Variants in LYRM9 observed in about 807,000 individuals in gnomAD.
LYRM9 encodes LYR motif-containing protein 9.
A neutral mutation model predicts 12.6 loss-of-function variants in LYRM9; 14 were observed. The ratio of observed to expected loss-of-function variants is 1.11; its 90% CI spans 0.73 to 1.73. The LOEUF is 1.73. Ranked by LOEUF, LYRM9 falls within the 40% of genes most tolerant of loss-of-function variation. The pLI, the probability that LYRM9 is intolerant of heterozygous loss-of-function variation, is 0.00. For missense variants in LYRM9, 94 were observed against 95.0 expected (o/e 0.99, Z 0.04); for synonymous variants, 42 against 35.1 (o/e 1.20, Z -0.69).
Position 27,886,683 on chromosome 17 carries a change from C to T in LYRM9, c.-18-3971G>A, listed in dbSNP as rs1329855333. ...TTTTTTTTTGAGACAGAGTTTCGCT[C>T]TTGTTGCCCAGGCTGGAGTGCAATG... is the stretch of plus-strand genomic sequence containing the variant. On this transcript the variant is annotated intron_variant, in intron 1 of 3. Coordinates refer to ENST00000379102, the MANE Select transcript of LYRM9 (RefSeq NM_001076680.3). This position sits in a 1 kb window ranked among gnomAD's most constrained non-coding sequence, Gnocchi z 4.8. 2.0e-5 allele frequency among the ~76,000 whole-genome samples: 3 copies of T among 146,508 alleles called. No homozygotes were observed. Among genetic ancestry groups the T allele is most frequent in the Non-Finnish European group, 4.5e-5 (3 of 67,182 alleles).
chr17:27,882,677 T>C lies in LYRM9; in HGVS notation c.18A>G (p.Gly6=). Reference sequence around the variant, plus strand: ...GCAGTGGCCTCCGAACCAGTTCTGCTCCTGGCAGCGGGGCCATCCGTGAGA... The same window carrying C: ...GCAGTGGCCTCCGAACCAGTTCTGCCCCTGGCAGCGGGGCCATCCGTGAGA... The part of the protein sequence containing the change: MAPLP[G]AELVRRPLQL... Residue 6 remains glycine, a synonymous_variant, in exon 2 of 4, where the codon GGA becomes GGG. Coordinates refer to ENST00000379102, the MANE Select transcript of LYRM9 (RefSeq NM_001076680.3). 6.2e-7 allele frequency: 1 copy of C among 1,604,528 alleles called. No homozygotes were observed.
chr17:27,879,870 G>C (rs4796206), intron 3 of LYRM9: 373,952 of 571,726 alleles, frequency 0.65, 123,758 homozygotes, highest in Admixed American at 0.7. Context: ...CATACTGAAT[G>C]TTTCCTCCAT....
rs1262181366 is a variant in LYRM9, at chr17:27,879,436, A to G, written c.*37T>C. The G allele has an allele frequency of 2.6e-6, 4 of 1,546,798 alleles. No homozygotes were observed. The highest frequency in any genetic ancestry group is 2.6e-6 in the Non-Finnish European group (3 of 1,145,028). On this transcript the variant is annotated 3_prime_UTR_variant, in exon 4 of 4. Coordinates refer to ENST00000379102, the MANE Select transcript of LYRM9 (RefSeq NM_001076680.3). ...CTGAGCTCCAGAAGAGGGGCCTCTC[A>G]ACTTCCAGAGGCCAGGAAGGCTCAC... is the stretch of plus-strand genomic sequence containing the variant.
rs1042571440 is a variant in LYRM9 at position 27,879,089 on chromosome 17, G to A, written c.*384C>T. ...AGATCTGTCTGGTTCTAAAACCCAC[G>A]TGCTTTCTTCTGTACAGGTTGCTAC... On this transcript the variant is annotated 3_prime_UTR_variant, in exon 4 of 4. Coordinates refer to ENST00000379102, the MANE Select transcript of LYRM9 (RefSeq NM_001076680.3). The A allele has an allele frequency of 1.8e-5, 3 of 169,358 alleles. No homozygotes were observed. The highest frequency in any genetic ancestry group is 3.8e-5 in the Non-Finnish European group (3 of 79,260). The allele number at this position is 169,358 out of a possible 1,614,324, so 10.5% of individuals were successfully genotyped here. A position where few individuals can be genotyped will look rare whatever the true frequency, so the allele number is the denominator to read the frequency against.
intron 1 of LYRM9, 142 bp from the exon 2 acceptor site, chr17:27,882,854 G>T: frequency 1.1e-6 from 1 of 897,502 alleles, no homozygotes. Context: ...CCTGCACCTT[G>T]GGGTGGGGTG....
intron 1 of LYRM9, chr17:27,892,693 T>A: frequency 3.3e-6 from 1 of 302,882 alleles, no homozygotes; most frequent in Admixed American, 4.6e-5. Context: ...GTGTTTCTTT[T>A]GGGGGGTAAT....
rs4063521 is a variant in LYRM9, at chr17:27,893,329, G to T, written c.-31C>A. The T allele has an allele frequency of 0.63, 95,339 of 152,052 alleles. 30,411 individuals carry two copies. The highest frequency in any genetic ancestry group is 0.69 in the Admixed American group (10,524 of 15,234). The allele number at this position is 152,052 out of a possible 1,614,324, so 9.4% of individuals were successfully genotyped here. A position where few individuals can be genotyped will look rare whatever the true frequency, so the allele number is the denominator to read the frequency against. The stretch of plus-strand genomic sequence containing the variant: ...CAGCGCGGCTCACCAGCCTCCAGGG[G>T]AACGCCAGCCCCGGACGCCGCCGCG... On this transcript the variant is annotated 5_prime_UTR_variant, in exon 1 of 4. Transcript: ENST00000379102.
intron 2 of LYRM9, chr17:27,880,717 G>A (rs535103903): frequency 7.4e-5 from 22 of 297,768 alleles, no homozygotes; most frequent in Admixed American, 7.0e-4. Context: ...CTCAGAAGAC[G>A]CTGCTTTCCC....
chr17:27,882,820 C>A, intron 1 of LYRM9, 108 bp from the exon 2 acceptor site: 1 of 1,200,692 alleles, frequency 8.3e-7, no homozygotes, highest in Non-Finnish European at 1.2e-6. Context: ...AGTGCAGAGG[C>A]CCCTCCTGTC....
Position 27,879,280 on chromosome 17 carries a change from G to A in LYRM9, c.*193C>T, listed in dbSNP as rs1272872135. On this transcript the variant is annotated 3_prime_UTR_variant, in exon 4 of 4. Transcript: ENST00000379102. ...CCAAATTTCACATCGTAAGTGGCTG[G>A]AAGTGCAAACATAAAGGATGCTAGC... The A allele has an allele frequency of 2.1e-6, 1 of 465,844 alleles. No homozygotes were observed. The highest frequency in any genetic ancestry group is 3.5e-5 in the East Asian group (1 of 28,386). 28.9% of individuals were successfully genotyped at this position (465,844 alleles called of 1,614,324 possible).
intron 3 of LYRM9, chr17:27,879,786 G>T: frequency 3.7e-6 from 2 of 545,318 alleles, no homozygotes; most frequent in Non-Finnish European, 3.2e-6. Context: ...AACTCTCTAG[G>T]TCCTTCTAAT....
intron 2 of LYRM9, 79 bp downstream of exon 2, chr17:27,882,490 C>T (rs965037505): frequency 2.1e-6 from 3 of 1,445,394 alleles, no homozygotes; most frequent in Non-Finnish European, 2.7e-6. Context: ...TAGCTCTGTG[C>T]CCTGGCCTTG....
intron 2 of LYRM9, chr17:27,880,670 G>T (rs1905020026): frequency 2.3e-6 from 1 of 429,348 alleles, no homozygotes; most frequent in African/African-American, 2.0e-5. Context: ...AAGGCTATCA[G>T]GCAGTAGAGT....
At chr17:27,881,948 A>G (rs1905075897) in intron 2 of LYRM9, among the ~76,000 whole-genome samples, 1 of 152,084 alleles carries the variant, frequency 6.6e-6, no homozygotes, top group South Asian at 2.1e-4. Context: ...CTGTAGAGAC[A>G]AGGTCTTTCT....
At chr17:27,880,529 CAG>C in intron 2 of LYRM9, 163 bp from the exon 3 acceptor site, 1 of 608,322 alleles carries the variant, frequency 1.6e-6, no homozygotes. Context: ...GATGAGGAAA[CAG>C]AGGCTCACTT....
chr17:27,890,667 T>C (rs1018809728), intron 1 of LYRM9, among the ~76,000 whole-genome samples: 1 of 151,916 alleles, frequency 6.6e-6, no homozygotes, highest in Admixed American at 6.6e-5. Flanking sequence ...CACCTAAAAA[T>C]AAGTGGGAAA....
chr17:27,887,943 G>A (rs1331421799), intron 1 of LYRM9, among the ~76,000 whole-genome samples: 2 of 152,170 alleles, frequency 1.3e-5, no homozygotes, highest in Non-Finnish European at 2.9e-5. Flanking sequence ...CTCAGGGGAG[G>A]CTTAGACTTT....
At chr17:27,884,824 T>C (rs1340599851) in intron 1 of LYRM9, among the ~76,000 whole-genome samples, 21 of 102,676 alleles carry the variant, frequency 2.0e-4, no homozygotes, top group South Asian at 3.2e-4. Flanking sequence ...TAAAGGAACA[T>C]ATAAGAAAAA....
intron 1 of LYRM9, among the ~76,000 whole-genome samples, chr17:27,891,387 C>T (rs567514021): frequency 6.6e-6 from 1 of 152,302 alleles, no homozygotes; most frequent in South Asian, 2.1e-4. Flanking sequence ...TCTGTCAATG[C>T]GGTCCCTAAT....
Sources: allele counts gnomAD v4.1 joint callset (sites outside exome capture counted in the v4.1 genomes callset), GRCh38; gene constraint gnomAD v4.1.1; non-coding constraint Gnocchi (gnomAD v3.1); transcripts MANE v1.5; gene names NCBI Gene and HGNC (gene_info 2026-07-23, HGNC 2026-07-21).